NAV2: variants seen among roughly 807,000 people sequenced by gnomAD.
NAV2 encodes neuron navigator 2.
A neutral mutation model predicts 223.2 loss-of-function variants in NAV2; 54 were observed. The ratio of observed to expected loss-of-function variants is 0.24; its 90% confidence interval spans 0.19 to 0.30. The LOEUF (loss-of-function observed/expected upper bound fraction) is 0.30. Among genes scored for constraint, NAV2 ranks in the 10% least tolerant of loss-of-function variants. The pLI is 1.00. For missense variants in NAV2, 2,806 were observed against 3,147.5 expected (o/e 0.89, Z 2.60); for synonymous variants, 1,279 against 1,239.3 (o/e 1.03, Z -0.67).
At chr11:19,416,728 G>C (rs1309932684) in intron 1 of NAV2, among the ~76,000 whole-genome samples, 2 of 152,170 alleles carry the variant, frequency 1.3e-5, no homozygotes, top group African/African-American at 4.8e-5. Context: ...GAAACAGCAA[G>C]GTACTGGGAC....
At chr11:19,422,420 C>T (rs750297148) in intron 1 of NAV2, among the ~76,000 whole-genome samples, 1 of 152,174 alleles carries the variant, frequency 6.6e-6, no homozygotes, top group Non-Finnish European at 1.5e-5. Flanking sequence ...ACCCCCACGG[C>T]CCTGAAGAGC....
intron 1 of NAV2, among the ~76,000 whole-genome samples, chr11:19,651,559 A>G (rs1004297099): frequency 6.6e-6 from 1 of 152,186 alleles, no homozygotes; most frequent in African/African-American, 2.4e-5. Context: ...TGTTACCTAG[A>G]GGTCAAGATT....
chr11:19,703,522 G>T (rs1243508776), intron 1 of NAV2, among the ~76,000 whole-genome samples: 1 of 152,230 alleles, frequency 6.6e-6, no homozygotes, highest in Non-Finnish European at 1.5e-5. Flanking sequence ...TAAGGGTCAG[G>T]CTGCCTGATG....
intron 1 of NAV2, among the ~76,000 whole-genome samples, chr11:19,577,111 G>GTT (rs1590582388): frequency 6.6e-6 from 1 of 152,244 alleles, no homozygotes; most frequent in East Asian, 1.9e-4. Flanking sequence ...TAATGCCACT[G>GTT]TTTGGTAAAT....
chr11:19,802,783 C>T (rs2058346316), intron 1 of NAV2, among the ~76,000 whole-genome samples: 1 of 151,524 alleles, frequency 6.6e-6, no homozygotes, highest in Non-Finnish European at 1.5e-5. Context: ...ATGAGAGAGT[C>T]GATGGGGACA....
At chr11:19,518,444 C>T (rs2043532112) in intron 1 of NAV2, 1 of 152,278 alleles carries the variant, frequency 6.6e-6, no homozygotes, top group African/African-American at 2.4e-5. Flanking sequence ...CTCTCTGTGC[C>T]CAGACTGGAC....
chr11:19,517,941 A>C lies in NAV2; in HGVS notation c.75+166914A>C, dbSNP rs1232781291. On this transcript the variant is annotated intron_variant, in intron 1 of 37. Coordinates refer to the NAV2 transcript ENST00000360655. ...GGCGTCCAGCCTGTGCCATAGAAAG[A>C]TACTATGTTTGCTGGGAACAACAAA... 8.5e-5 allele frequency among the ~76,000 whole-genome samples: 13 copies of C among 152,400 alleles called. No individual in the cohort carries two copies. In the South Asian group the frequency reaches 2.5e-3, roughly 29 times the overall value.
rs935355542 is a variant in NAV2 at position 19,490,117 on chromosome 11, C to T, written c.75+139090C>T. ...ACCTTAATTGTCAAATACTTTATTGCCAAAAAGTGCTAATGACCATCTGAG... is the reference window on the plus strand; with the variant it reads ...ACCTTAATTGTCAAATACTTTATTGTCAAAAAGTGCTAATGACCATCTGAG... On this transcript the variant is annotated intron_variant, in intron 1 of 37. Coordinates refer to the NAV2 transcript ENST00000360655. 2.2e-4 allele frequency among the ~76,000 whole-genome samples: 34 copies of T among 152,072 alleles called. 1 individual carries two copies. The highest frequency in any genetic ancestry group is 8.2e-4 in the African/African-American group (34 of 41,402).
intron 5 of NAV2, among the ~76,000 whole-genome samples, chr11:19,890,762 G>C (rs560964234): frequency 2.0e-5 from 3 of 152,312 alleles, no homozygotes; most frequent in Non-Finnish European, 4.4e-5. Context: ...GAGGTACTAA[G>C]ATCCCACTGC....
intron 1 of NAV2, among the ~76,000 whole-genome samples, chr11:19,608,122 C>A (rs977514241): frequency 6.6e-6 from 1 of 152,244 alleles, no homozygotes; most frequent in African/African-American, 2.4e-5. Context: ...GCCTCAAAGA[C>A]TTCTCTGCAC....
At position 20,092,276 on chromosome 11, in the gene NAV2, G is replaced by A. The variant is rs748796683; in HGVS notation, c.5723G>A (p.Arg1908Gln). The change falls in exon 28 of 38, where the codon CGG (arginine) becomes CAG (glutamine). Residue 1908 changes from arginine to glutamine, a missense_variant. This residue lies in a region of NAV2 where 824 missense variants were observed against 1,069.4 expected (regional missense o/e 0.77). Coordinates refer to ENST00000349880, the MANE Select transcript of NAV2 (RefSeq NM_145117.5). ...GAGTCTCAAGGCAGTGGCTGCAGCC[G>A]GGCTCCTTCCCAAGTGTCCATCTCT... Reference protein sequence around the residue: ...KSESQGSGCSRAPSQVSISAS... With the variant: ...KSESQGSGCSQAPSQVSISAS... 3.7e-5 allele frequency: 59 copies of A among 1,613,992 alleles called. No homozygotes were observed. The highest frequency in any genetic ancestry group is 1.6e-4 in the Middle Eastern group (1 of 6,080).
Position 19,691,639 on chromosome 11 carries a change from G to A in NAV2, c.76-140845G>A, listed in dbSNP as rs371424840. Reference sequence around the variant, plus strand: ...CTGGAGTGCAGTGGCATGATCTCAGGTCACTGCAAGCTCCGCCTCTCAGGT... The same window carrying A: ...CTGGAGTGCAGTGGCATGATCTCAGATCACTGCAAGCTCCGCCTCTCAGGT... On this transcript the variant is annotated intron_variant, in intron 1 of 37. Coordinates refer to the NAV2 transcript ENST00000360655. 2.0e-5 allele frequency among the ~76,000 whole-genome samples: 3 copies of A among 152,112 alleles called. No homozygotes were observed. In the East Asian group the frequency reaches 5.8e-4, roughly 29 times the overall value.
chr11:19,720,046 G>T (rs2050633007), intron 1 of NAV2, among the ~76,000 whole-genome samples: 2 of 152,220 alleles, frequency 1.3e-5, no homozygotes, highest in Non-Finnish European at 2.9e-5. Context: ...GAGGGCAGAA[G>T]GAAAGCCCTT....
chr11:19,969,995 A>G (rs2049092974), intron 10 of NAV2, among the ~76,000 whole-genome samples: 1 of 152,144 alleles, frequency 6.6e-6, no homozygotes, highest in Non-Finnish European at 1.5e-5. Flanking sequence ...GTAACTAACA[A>G]TAAAATATAA....
intron 1 of NAV2, among the ~76,000 whole-genome samples, chr11:19,536,983 G>A (rs1173486832): frequency 2.0e-5 from 3 of 152,178 alleles, no homozygotes; most frequent in Non-Finnish European, 4.4e-5. Context: ...GTTCAGATTG[G>A]CAATTATATA....
chr11:20,070,919 CCTT>C (rs1424290055), intron 22 of NAV2, among the ~76,000 whole-genome samples: 1 of 152,084 alleles, frequency 6.6e-6, no homozygotes. Flanking sequence ...TGCAAAAACA[CCTT>C]CTCAATAGCA....
At position 19,613,064 on chromosome 11, in the gene NAV2, C is replaced by T. The variant is rs190097432; in HGVS notation, c.76-219420C>T. On this transcript the variant is annotated intron_variant, in intron 1 of 37. Transcript: ENST00000360655. ...TGAGGAAGAAGCAAAAGCAGAAACCCCTGATAAACCCATCAGATCTCGTGA... is the reference window on the plus strand; with the variant it reads ...TGAGGAAGAAGCAAAAGCAGAAACCTCTGATAAACCCATCAGATCTCGTGA... Among the ~76,000 whole-genome samples, 19 of 152,216 alleles carry T rather than the reference C, an allele frequency of 1.2e-4. No homozygotes were observed. The East Asian group carries it at 3.5e-3, about 28-fold the overall frequency.
At chr11:20,102,423 G>A (rs949747434) in intron 32 of NAV2, among the ~76,000 whole-genome samples, 21 of 152,002 alleles carry the variant, frequency 1.4e-4, no homozygotes, top group African/African-American at 4.4e-4. Flanking sequence ...ACCCATGCCC[G>A]CTGCTTACCC....
At chr11:19,866,544 T>A (rs560414473) in intron 3 of NAV2, among the ~76,000 whole-genome samples, 46 of 152,340 alleles carry the variant, frequency 3.0e-4, no homozygotes, top group African/African-American at 1.1e-3. Flanking sequence ...AATTGAAATG[T>A]ATCAAGGCTA....
Sources: allele counts gnomAD v4.1 joint callset (sites outside exome capture counted in the v4.1 genomes callset), GRCh38; gene constraint gnomAD v4.1.1; regional missense constraint gnomAD v4.1.1; transcripts MANE v1.5; gene names NCBI Gene and HGNC (gene_info 2026-07-23, HGNC 2026-07-21).